SEL1L3: variants seen among roughly 807,000 people sequenced by gnomAD.
The protein encoded by SEL1L3 is protein sel-1 homolog 3.
A neutral mutation model predicts 142.8 loss-of-function variants in SEL1L3; 76 were observed. The ratio of observed to expected loss-of-function variants is 0.53; its 90% CI spans 0.44 to 0.64. SEL1L3 has a LOEUF of 0.64. Ranked by LOEUF, SEL1L3 falls within the 30% of genes least tolerant of loss-of-function variation. SEL1L3 has a pLI of 0.00. For synonymous variants in SEL1L3, 504 were observed against 519.6 expected (o/e 0.97, Z 0.41); for missense variants, 1,262 against 1,381.7 (o/e 0.91, Z 1.37).
intron 2 of SEL1L3, among the ~76,000 whole-genome samples, chr4:25,845,127 A>G (rs915247910): frequency 1.1e-4 from 17 of 152,196 alleles, no homozygotes; most frequent in African/African-American, 3.6e-4. Context: ...TACTTCCCCA[A>G]TTTTGATTTT....
At chr4:25,766,217 T>C (rs1718715862) in intron 19 of SEL1L3, among the ~76,000 whole-genome samples, 1 of 152,132 alleles carries the variant, frequency 6.6e-6, no homozygotes, top group Non-Finnish European at 1.5e-5. Flanking sequence ...GGTGTGCAGA[T>C]CACTGCAGGT....
chr4:25,786,168 T>C (rs1711810130), intron 13 of SEL1L3, among the ~76,000 whole-genome samples: 1 of 152,184 alleles, frequency 6.6e-6, no homozygotes. Flanking sequence ...CTCAACTACC[T>C]GGAATGAACC....
chr4:25,811,760 T>TG (rs1365843583), intron 9 of SEL1L3, among the ~76,000 whole-genome samples: 4 of 149,740 alleles, frequency 2.7e-5, no homozygotes, highest in African/African-American at 7.5e-5. Flanking sequence ...TTTTTTTTTT[T>TG]TTTTTTGTTG....
chr4:25,787,045 T>C (rs1711894912), intron 13 of SEL1L3, among the ~76,000 whole-genome samples: 1 of 152,178 alleles, frequency 6.6e-6, no homozygotes. Flanking sequence ...AGCCAAAGCT[T>C]TTTACTTTTC....
At chr4:25,834,729 G>A (rs758898646) in intron 3 of SEL1L3, among the ~76,000 whole-genome samples, 1 of 152,176 alleles carries the variant, frequency 6.6e-6, no homozygotes, top group African/African-American at 2.4e-5. Flanking sequence ...TCTGGTATGA[G>A]GTGAACCAGG....
At chr4:25,777,196 A>T (rs936964682) in intron 16 of SEL1L3, among the ~76,000 whole-genome samples, 1 of 152,146 alleles carries the variant, frequency 6.6e-6, no homozygotes, top group Non-Finnish European at 1.5e-5. Flanking sequence ...GTATAACTAT[A>T]TGATCATCAG....
intron 2 of SEL1L3, among the ~76,000 whole-genome samples, chr4:25,843,437 G>A (rs550599837): frequency 1.8e-4 from 27 of 152,192 alleles, no homozygotes; most frequent in Non-Finnish European, 3.5e-4. Context: ...CCAGCACTAG[G>A]TGACTCTCAA....
chr4:25,780,858 C>A (rs969026826), intron 15 of SEL1L3, among the ~76,000 whole-genome samples: 6 of 148,406 alleles, frequency 4.0e-5, no homozygotes, highest in Non-Finnish European at 7.4e-5. Flanking sequence ...TGGAGTCTTG[C>A]TCTGTCGCTC....
At chr4:25,744,348 C>CTTTTTTTTTTTTTTTTTTT (rs35155388), downstream of SEL1L3, among the ~76,000 whole-genome samples, 8 of 101,426 alleles carry the variant, frequency 7.9e-5, 2 homozygotes, top group African/African-American at 1.4e-4. Flanking sequence ...ATGTGTGAGT[C>CTTTTTTTTTTTTTTTTTTT]TTTTTTTTTT....
At chr4:25,777,879 C>T (rs750956923) in intron 16 of SEL1L3, 39 of 455,760 alleles carry the variant, frequency 8.6e-5, no homozygotes, top group Non-Finnish European at 1.3e-4. Flanking sequence ...AAACAGAGGT[C>T]GACAAACTTT....
chr4:25,818,425 T>C (rs549887805), intron 8 of SEL1L3, 147 bp from the exon 9 acceptor site: 33 of 718,100 alleles, frequency 4.6e-5, no homozygotes, highest in African/African-American at 4.6e-4. Flanking sequence ...AAATTGGCTA[T>C]GATGCTTTTG....
intron 17 of SEL1L3, among the ~76,000 whole-genome samples, chr4:25,773,897 A>G (rs1577582581): frequency 6.6e-6 from 1 of 151,972 alleles, no homozygotes; most frequent in Non-Finnish European, 1.5e-5. Flanking sequence ...CTTCAAGACC[A>G]CCTCATCCAT....
At position 25,748,426 on chromosome 4, in the gene SEL1L3, C is replaced by T; in HGVS notation, c.3398G>A (p.Ter1133=). 3 of 1,607,576 alleles carry T rather than the reference C, an allele frequency of 1.9e-6. No individual in the cohort carries two copies. The highest frequency in any genetic ancestry group is 2.5e-6 in the Non-Finnish European group (3 of 1,177,224). The part of the protein sequence containing the change: ...TVTNNPEPRG[*] ...CTGGAGAGAACTGGAGTGCACAGTT[C>T]ACCCACGTGGCTCCGGGTTATTAGT... The change falls in exon 24 of 24, where the codon TGA becomes TAA. Residue 1133 remains the stop codon, a stop_retained_variant. Transcript: ENST00000399878.
chr4:25,723,189 TA>T, the SEL1L3 span, among the ~76,000 whole-genome samples: 1 of 152,226 alleles, frequency 6.6e-6, no homozygotes, highest in African/African-American at 2.4e-5. Flanking sequence ...GGACTGATAG[TA>T]AAAGGTTATG....
the SEL1L3 span, chr4:25,718,835 G>A: frequency 6.6e-6 from 1 of 152,186 alleles, no homozygotes. Flanking sequence ...ATACATGCTA[G>A]TCATATAAGA....
At chr4:25,828,283 T>G (rs1715217705) in intron 6 of SEL1L3, among the ~76,000 whole-genome samples, 1 of 152,006 alleles carries the variant, frequency 6.6e-6, no homozygotes, top group East Asian at 1.9e-4. Context: ...TGGACTCAAG[T>G]GAAAACAGGA....
At chr4:25,775,135 C>T (rs1719522590) in intron 17 of SEL1L3, among the ~76,000 whole-genome samples, 2 of 152,104 alleles carry the variant, frequency 1.3e-5, no homozygotes, top group Admixed American at 6.5e-5. Flanking sequence ...ACTTGAGAAA[C>T]AAGATAAAGC....
At chr4:25,750,234 CAAAAAAAA>C (rs10718046) in intron 23 of SEL1L3, among the ~76,000 whole-genome samples, 1 of 105,090 alleles carries the variant, frequency 9.5e-6, no homozygotes, top group African/African-American at 4.1e-5. Flanking sequence ...GACTCCATCT[CAAAAAAAA>C]AAAAAAAAAA....
chr4:25,814,682 G>A (rs1202704507), intron 9 of SEL1L3, among the ~76,000 whole-genome samples: 1 of 152,176 alleles, frequency 6.6e-6, no homozygotes, highest in Non-Finnish European at 1.5e-5. Flanking sequence ...TGAGGAACTG[G>A]GAACGGCGAT....
Sources: allele counts gnomAD v4.1 joint callset (sites outside exome capture counted in the v4.1 genomes callset), GRCh38; gene constraint gnomAD v4.1.1; transcripts MANE v1.5; gene names NCBI Gene and HGNC (gene_info 2026-07-23, HGNC 2026-07-21).